The following PNPLA2 variants were observed in gnomAD, a reference collection of about 807,000 sequenced individuals.
PNPLA2 encodes patatin-like phospholipase domain-containing protein 2.
PNPLA2 carries 28 observed loss-of-function variants against 39.7 expected under a neutral mutation model. The observed-to-expected ratio is 0.70, with a 90% CI of 0.52 to 0.97. The LOEUF (loss-of-function observed/expected upper bound fraction) is 0.97. PNPLA2 is among the 50% of genes least tolerant of loss of function. PNPLA2 has a pLI of 0.00. For synonymous variants in PNPLA2, 392 were observed against 321.1 expected (o/e 1.22, Z -2.36); for missense variants, 768 against 698.2 (o/e 1.10, Z -1.13).
At position 824,551 on chromosome 11, in the gene PNPLA2, G is replaced by C. The variant is rs143718036; in HGVS notation, c.1204G>C (p.Val402Leu). The C allele has an allele frequency of 3.8e-6, 6 of 1,559,120 alleles. No homozygotes were observed. Among genetic ancestry groups the C allele is most frequent in the Non-Finnish European group, 5.2e-6 (6 of 1,156,178 alleles). Reference protein sequence around the residue: ...RLPEQVELRRVQSLPSVPLSC... With the variant: ...RLPEQVELRRLQSLPSVPLSC... Reference sequence around the variant, plus strand: ...GCCGGAGCAGGTGGAGCTGCGCCGCGTCCAGTCGCTGCCGTCCGTGCCGCT... The same window carrying C: ...GCCGGAGCAGGTGGAGCTGCGCCGCCTCCAGTCGCTGCCGTCCGTGCCGCT... The change falls in exon 10 of 10, where the codon GTC becomes CTC. Residue 402 changes from valine (V) to leucine (L), a missense_variant. Transcript: ENST00000336615.
rs1010103968 is a variant in PNPLA2, at chr11:823,779, C to T, written c.843C>T (p.Ser281=). ...GPEDKDQAVE[S]AQAEDYSQLP... is the part of the protein sequence containing the mutation. ...AGGACAAGGACCAGGCAGTGGAGAG[C>T]GCCCAAGCGGAGGATTACTCGCAGC... Residue 281 remains serine, a synonymous_variant, in exon 7 of 10, where the codon AGC becomes AGT. Transcript: ENST00000336615. The T allele has an allele frequency of 1.9e-6, 3 of 1,607,976 alleles. No homozygotes were observed. The highest frequency in any genetic ancestry group is 2.7e-5 in the African/African-American group (2 of 74,918).
At chr11:819,549 C>A in intron 1 of PNPLA2, 25 bp from the exon 2 acceptor site, 1 of 1,290,386 alleles carries the variant, frequency 7.7e-7, no homozygotes, top group Admixed American at 4.3e-5. Flanking sequence ...CACTTAAAAG[C>A]GCCGCCTCCG....
intron 1 of PNPLA2, 67 bp from the exon 2 acceptor site, chr11:819,507 G>C (rs148815011): frequency 3.2e-6 from 4 of 1,252,586 alleles, no homozygotes; most frequent in Non-Finnish European, 4.0e-6. Context: ...ATTGGTCTTC[G>C]TGTGCCGGCC....
In PNPLA2 at chr11:824,939, T is replaced by A. The variant is rs1423009044; in HGVS notation, c.*77T>A. The A allele has an allele frequency of 2.4e-6, 3 of 1,238,202 alleles. No homozygotes were observed. Among genetic ancestry groups the A allele is most frequent in the Admixed American group, 4.0e-5 (2 of 50,484 alleles). The allele number at this position is 1,238,202 out of a possible 1,614,324, so 76.7% of individuals were successfully genotyped here. The stretch of plus-strand genomic sequence containing the variant: ...GCAGTGAGATGAGGGGACTCACAGT[T>A]GCCAAGAGGGGTCTTTGCCGTGGGC... On this transcript the variant is annotated 3_prime_UTR_variant, in exon 10 of 10. Coordinates refer to ENST00000336615, the MANE Select transcript of PNPLA2 (RefSeq NM_020376.4).
rs571106331 is a variant in PNPLA2, at chr11:818,986, C to G, written c.-146+28C>G. On this transcript the variant is annotated intron_variant, in intron 1 of 9. Transcript: ENST00000336615. The stretch of plus-strand genomic sequence containing the variant: ...AAGAAGCCAAGGTCCGGAAGGGTCG[C>G]GGGCGCGGGGCAGGGCTGAGGCCCC... The G allele has an allele frequency of 9.8e-5, 15 of 152,700 alleles. No individual in the cohort carries two copies. In the East Asian group the frequency reaches 2.9e-3, roughly 29 times the overall value. The allele number at this position is 152,700 out of a possible 1,614,324, so 9.5% of individuals were successfully genotyped here. A position where few individuals can be genotyped will look rare whatever the true frequency, so the allele number is the denominator to read the frequency against.
intron 2 of PNPLA2, 81 bp downstream of exon 2, chr11:819,986 G>A (rs1334493862): frequency 1.8e-6 from 2 of 1,130,108 alleles, no homozygotes; most frequent in Non-Finnish European, 2.3e-6. Flanking sequence ...TGAGCGGAGG[G>A]GCCCCGCGGC....
chr11:820,003 G>A (rs1845615190), intron 2 of PNPLA2, 98 bp downstream of exon 2: 2 of 919,280 alleles, frequency 2.2e-6, no homozygotes, highest in Admixed American at 4.3e-5. Context: ...CGGCGAGTCG[G>A]TGGGTACCGT....
At position 823,830 on chromosome 11, in the gene PNPLA2, G is replaced by A; in HGVS notation, c.894G>A (p.Glu298=). 1 of 1,593,870 alleles carries A rather than the reference G, an allele frequency of 6.3e-7. No homozygotes were observed. The highest frequency in any genetic ancestry group is 1.7e-4 in the Middle Eastern group (1 of 6,040). Residue 298 remains glutamate, a synonymous_variant, in exon 7 of 10, where the codon GAG becomes GAA. Transcript: ENST00000336615. Reference sequence around the variant, plus strand: ...TGCCCGGAGAAGATCACATCCTGGAGCACCTGCCCGCCCGGCTCAATGAGG... The same window carrying A: ...TGCCCGGAGAAGATCACATCCTGGAACACCTGCCCGCCCGGCTCAATGAGG... ...SQLPGEDHIL[E]HLPARLNEAL... is the part of the protein sequence containing the mutation.
Position 823,872 on chromosome 11 carries a change from C to T in PNPLA2, c.919+17C>T, listed in dbSNP as rs1845766775. On this transcript the variant is annotated intron_variant, in intron 7 of 9. Coordinates refer to ENST00000336615, the MANE Select transcript of PNPLA2 (RefSeq NM_020376.4). ...TCAATGAGGGTGCGCACCTGGGGGACGGGAGGGGAGGAGGGGAGGCAGGAG... is the reference window on the plus strand; with the variant it reads ...TCAATGAGGGTGCGCACCTGGGGGATGGGAGGGGAGGAGGGGAGGCAGGAG... The T allele has an allele frequency of 2.5e-6, 4 of 1,571,918 alleles. No homozygotes were observed. The highest frequency in any genetic ancestry group is 2.3e-5 in the South Asian group (2 of 86,732).
chr11:821,928 A>G, intron 3 of PNPLA2, 30 bp from the exon 4 acceptor site: 3 of 1,613,154 alleles, frequency 1.9e-6, no homozygotes, highest in Non-Finnish European at 2.5e-6. Flanking sequence ...GCCTCTGCTC[A>G]TTCTCTCCCA....
Position 823,710 on chromosome 11 carries a change from C to T in PNPLA2, c.774C>T (p.Pro258=). The T allele has an allele frequency of 6.2e-7, 1 of 1,608,180 alleles. No individual in the cohort carries two copies. The highest frequency in any genetic ancestry group is 8.5e-7 in the Non-Finnish European group (1 of 1,177,876). The change falls in exon 7 of 10, where the codon CCC becomes CCT. Residue 258 remains proline, a synonymous_variant. Transcript: ENST00000336615. ...CAACCCCAGGCCTCCTGAACCGGCC[C>T]AACCCCTTGCTGGCGTTGCCCCCCG... ...FLQRNGLLNR[P]NPLLALPPAR... is the part of the protein sequence containing the mutation.
At position 824,788 on chromosome 11, in the gene PNPLA2, CT is replaced by C; in HGVS notation, c.1442del (p.Leu481ArgfsTer8). The C allele has an allele frequency of 6.5e-7, 1 of 1,534,710 alleles. No homozygotes were observed. The highest frequency in any genetic ancestry group is 2.4e-5 in the East Asian group (1 of 40,950). ...PADPASPQHQ[L>X]AGPAPLLSTP... ...GGACCCAGCATCCCCGCAGCACCAGCTGGCCGGGCCTGCCCCCTTGCTGAGC... is the reference window on the plus strand; with the variant it reads ...GGACCCAGCATCCCCGCAGCACCAGCGGCCGGGCCTGCCCCCTTGCTGAGC... On this transcript the variant is annotated frameshift_variant, in exon 10 of 10. Coordinates refer to ENST00000336615, the MANE Select transcript of PNPLA2 (RefSeq NM_020376.4). LOFTEE classifies it low-confidence loss of function (END_TRUNC).
rs1367059215 is a variant in PNPLA2 at position 824,634 on chromosome 11, G to A, written c.1287G>A (p.Leu429=). 1 of 1,597,100 alleles carries A rather than the reference G, an allele frequency of 6.3e-7. No individual in the cohort carries two copies. The highest frequency in any genetic ancestry group is 1.7e-5 in the Admixed American group (1 of 59,264). ...LPGWMRNNLS[L]GDALAKWEEC... is the part of the protein sequence containing the mutation. Reference sequence around the variant, plus strand: ...GCTGGATGCGCAACAACCTCTCGCTGGGGGACGCGCTGGCCAAGTGGGAGG... The same window carrying A: ...GCTGGATGCGCAACAACCTCTCGCTAGGGGACGCGCTGGCCAAGTGGGAGG... Residue 429 remains leucine, a synonymous_variant, in exon 10 of 10, where the codon CTG becomes CTA. Transcript: ENST00000336615.
intron 4 of PNPLA2, 101 bp from the exon 5 acceptor site, chr11:822,296 C>T: frequency 9.2e-7 from 1 of 1,084,038 alleles, no homozygotes; most frequent in Admixed American, 1.7e-5. Flanking sequence ...ATGAGGTAGC[C>T]ACTGAATGGG....
At position 824,379 on chromosome 11, in the gene PNPLA2, T is replaced by A. The variant is rs774619017; in HGVS notation, c.1118T>A (p.Ile373Asn). 5.2e-6 allele frequency: 8 copies of A among 1,552,312 alleles called. No individual in the cohort carries two copies. In the South Asian group the frequency reaches 9.5e-5, roughly 18 times the overall value. ...TGGATGAAGGAGCAGACGGGCAGCA[T>A]CTGCCAGTACCTGGTGATGCGCGCC... is the stretch of plus-strand genomic sequence containing the variant. ...IRWMKEQTGSICQYLVMRAKR... is the reference protein window; with the variant it reads ...IRWMKEQTGSNCQYLVMRAKR... The change falls in exon 9 of 10, where the codon ATC (isoleucine) becomes AAC (asparagine). Residue 373 changes from isoleucine (I) to asparagine (N), a missense_variant. Coordinates refer to ENST00000336615, the MANE Select transcript of PNPLA2 (RefSeq NM_020376.4).
chr11:822,968 G>A (rs932727780), intron 5 of PNPLA2, among the ~76,000 whole-genome samples: 3 of 152,260 alleles, frequency 2.0e-5, no homozygotes, highest in Admixed American at 6.5e-5. Context: ...GGGATTACAG[G>A]CGCCTGCCAC....
In PNPLA2 at chr11:821,674, G is replaced by T; in HGVS notation, c.234G>T (p.Lys78Asn). The T allele has an allele frequency of 6.2e-7, 1 of 1,613,940 alleles. No individual in the cohort carries two copies. The highest frequency in any genetic ancestry group is 1.3e-5 in the African/African-American group (1 of 75,060). Residue 78 changes from lysine to asparagine, a missense_variant, in exon 3 of 10, where the codon AAG becomes AAT. Physicochemically the swap from Lys to Asn is moderately conservative, Grantham distance 94. Coordinates refer to ENST00000336615, the MANE Select transcript of PNPLA2 (RefSeq NM_020376.4). ...KFIEVSKEARKRFLGPLHPSF... is the reference protein window; with the variant it reads ...KFIEVSKEARNRFLGPLHPSF... ...TTGAGGTATCTAAAGAGGCCCGGAAGCGGTTCCTGGGCCCCCTGCACCCCT... is the reference window on the plus strand; with the variant it reads ...TTGAGGTATCTAAAGAGGCCCGGAATCGGTTCCTGGGCCCCCTGCACCCCT...
At position 819,805 on chromosome 11, in the gene PNPLA2, C is replaced by A. The variant is rs1372200300; in HGVS notation, c.87C>A (p.Leu29=). 2 of 1,505,680 alleles carry A rather than the reference C, an allele frequency of 1.3e-6. No homozygotes were observed. Among genetic ancestry groups the A allele is most frequent in the East Asian group, 2.9e-5 (1 of 34,950 alleles). The allele number at this position is 1,505,680 out of a possible 1,614,324, so 93.3% of individuals were successfully genotyped here. The change falls in exon 2 of 10, where the codon CTC becomes CTA. Residue 29 remains leucine, a synonymous_variant. Transcript: ENST00000336615. ...ACTACGTCGGCGTGGCCTCCTGCCT[C>A]CGCGAGCACGCGCCCTTCCTGGTGG... is the stretch of plus-strand genomic sequence containing the variant. ...GVYYVGVASC[L]REHAPFLVAN...
chr11:823,470 A>AG, intron 5 of PNPLA2, 57 bp from the exon 6 acceptor site: 2 of 1,511,050 alleles, frequency 1.3e-6, no homozygotes, highest in Non-Finnish European at 1.8e-6. Context: ...CAGGGATTCC[A>AG]GGGGCAGAAC....
Sources: gnomAD v4.1 joint callset for allele counts (sites outside exome capture counted in the v4.1 genomes callset) on GRCh38, gnomAD v4.1.1 for gene constraint, MANE v1.5 for transcripts, NCBI Gene and HGNC (gene_info 2026-07-23, HGNC 2026-07-21) for gene names.